Variants in PTPA observed in about 807,000 individuals in gnomAD.
PTPA encodes protein phosphatase 2 phosphatase activator.
PTPA carries 13 observed loss-of-function variants against 43.6 expected under a neutral mutation model. The ratio of observed to expected loss-of-function variants is 0.30; its 90% confidence interval spans 0.19 to 0.47. The LOEUF is 0.47. Ranked by LOEUF, PTPA falls within the 20% of genes least tolerant of loss-of-function variation. PTPA has a pLI of 0.99. For missense variants in PTPA, 329 were observed against 411.9 expected, an observed-to-expected ratio of 0.80 and a Z score of 1.74; for synonymous variants, 172 against 158.2, an observed-to-expected ratio of 1.09 and a Z score of -0.66.
In PTPA at chr9:129,133,635, AC is replaced by A. The variant is rs1850138851; in HGVS notation, c.461-1159del. On this transcript the variant is annotated intron_variant, in intron 5 of 9. Transcript: ENST00000393370. Reference sequence around the variant, plus strand: ...GTGCAGACCATTCCTGTTTGATATGACTGGGAAAGGAAGGAGGATACTTTTT... The same window carrying A: ...GTGCAGACCATTCCTGTTTGATATGATGGGAAAGGAAGGAGGATACTTTTT... Among the ~76,000 whole-genome samples, 3 of 152,304 alleles carry A rather than the reference AC, an allele frequency of 2.0e-5. No individual in the cohort carries two copies. The South Asian group carries it at 6.2e-4, about 32-fold the overall frequency.
chr9:129,143,246 TCTG>T, intron 9 of PTPA: 3 of 695,724 alleles, frequency 4.3e-6, no homozygotes, highest in Non-Finnish European at 7.9e-6. Context: ...CTCTGTCCCT[TCTG>T]CTAGCTCCTC....
At chr9:129,136,728 G>T (rs1564196984) in intron 7 of PTPA, 133 bp downstream of exon 7, 2 of 1,185,986 alleles carry the variant, frequency 1.7e-6, no homozygotes, top group Non-Finnish European at 2.3e-6. Context: ...GGAAAGCAGG[G>T]CATTAGACCA....
chr9:129,133,972 TTA>T (rs1850169898), intron 5 of PTPA, among the ~76,000 whole-genome samples: 1 of 152,250 alleles, frequency 6.6e-6, no homozygotes, highest in Admixed American at 6.5e-5. Context: ...AGATTAGATG[TTA>T]CTTCCTTAGG....
At position 129,111,549 on chromosome 9, in the gene PTPA, GA is replaced by G; in HGVS notation, c.-49del. The G allele has an allele frequency of 2.3e-6, 3 of 1,289,650 alleles. No individual in the cohort carries two copies. The highest frequency in any genetic ancestry group is 2.7e-5 in the South Asian group (1 of 37,050). 79.9% of individuals were successfully genotyped at this position (1,289,650 alleles called of 1,614,324 possible). A position where few individuals can be genotyped will look rare whatever the true frequency, so the allele number is the denominator to read the frequency against. ...GGAGAGGAAGGGTGGGTGCAAGAGT[GA>G]AAGGCGAGAGGGGACTGCAAGCATC... On this transcript the variant is annotated 5_prime_UTR_variant, in exon 1 of 10. Coordinates refer to ENST00000393370, the MANE Select transcript of PTPA (RefSeq NM_178000.3).
intron 1 of PTPA, among the ~76,000 whole-genome samples, chr9:129,116,676 T>C (rs1275870701): frequency 6.6e-6 from 1 of 152,090 alleles, no homozygotes; most frequent in Non-Finnish European, 1.5e-5. Context: ...TGAGCCACTG[T>C]GCCCGGCCAC....
chr9:129,128,106 T>TGA (rs1849702065), intron 3 of PTPA: 1 of 1,271,140 alleles, frequency 7.9e-7, no homozygotes, highest in African/African-American at 1.5e-5. Flanking sequence ...ACGAAGAAAC[T>TGA]GAGAGGCTCA....
chr9:129,146,345 C>G (rs1851300987), intron 9 of PTPA, among the ~76,000 whole-genome samples: 1 of 152,172 alleles, frequency 6.6e-6, no homozygotes, highest in Non-Finnish European at 1.5e-5. Flanking sequence ...GCCTCTTTGG[C>G]CCACTCGTCA....
At chr9:129,138,581 T>C (rs1850540328) in intron 8 of PTPA, among the ~76,000 whole-genome samples, 1 of 152,112 alleles carries the variant, frequency 6.6e-6, no homozygotes, top group African/African-American at 2.4e-5. Flanking sequence ...GTTTGAGAGT[T>C]CTATCCCTCC....
intron 8 of PTPA, among the ~76,000 whole-genome samples, chr9:129,140,770 G>A (rs946919263): frequency 5.8e-5 from 8 of 138,298 alleles, no homozygotes; most frequent in Admixed American, 2.4e-4. Flanking sequence ...CAGGGCTGGA[G>A]CCTGCAGACT....
At position 129,129,000 on chromosome 9, in the gene PTPA, G is replaced by T; in HGVS notation, c.232G>T (p.Val78Phe). The T allele has an allele frequency of 6.2e-7, 1 of 1,613,252 alleles. No individual in the cohort carries two copies. The change falls in exon 4 of 10, where the codon GTC becomes TTC. Residue 78 changes from valine (V) to phenylalanine (F), a missense_variant. Coordinates refer to ENST00000393370, the MANE Select transcript of PTPA (RefSeq NM_178000.3). ...GCCTCCACAGGCCATTGAGAAACTA[G>T]TCGCTCTTCTCAACACGCTGGACAG... ...YRVSEAIEKL[V>F]ALLNTLDRWI...
At chr9:129,136,280 T>G (rs1229952473) in intron 6 of PTPA, among the ~76,000 whole-genome samples, 191 bp from the exon 7 acceptor site, 2 of 152,198 alleles carry the variant, frequency 1.3e-5, no homozygotes, top group African/African-American at 4.8e-5. Context: ...TAATCAGTGA[T>G]TTTTATGCCT....
Position 129,144,289 on chromosome 9 carries a change from C to A in PTPA, c.894+1737C>A, listed in dbSNP as rs561030735. 2.8e-4 allele frequency among the ~76,000 whole-genome samples: 42 copies of A among 151,984 alleles called. No individual in the cohort carries two copies. The South Asian group carries it at 7.3e-3, about 26-fold the overall frequency. On this transcript the variant is annotated intron_variant, in intron 9 of 9. Transcript: ENST00000393370. ...TCCGTGGGGGCTGAGCACAGGGTGG[C>A]AAACACAAAGAGGACACTGAAAATG...
chr9:129,115,701 G>T (rs189330825), intron 1 of PTPA, among the ~76,000 whole-genome samples: 175 of 151,508 alleles, frequency 1.2e-3, no homozygotes, highest in Non-Finnish European at 1.9e-3. Context: ...GTACAGTGGC[G>T]TGATCTTGGC....
chr9:129,125,279 GT>G (rs967327993), intron 3 of PTPA, among the ~76,000 whole-genome samples: 1 of 150,188 alleles, frequency 6.7e-6, no homozygotes, highest in African/African-American at 2.4e-5. Flanking sequence ...TTTTTTTTGA[GT>G]TTTTCTTGTT....
At chr9:129,126,647 G>A (rs1019211689) in intron 3 of PTPA, among the ~76,000 whole-genome samples, 14 of 152,232 alleles carry the variant, frequency 9.2e-5, no homozygotes, top group African/African-American at 3.1e-4. Flanking sequence ...AAAATGTTAG[G>A]GAAGATTTTA....
chr9:129,143,102 G>C, intron 9 of PTPA: 2 of 653,474 alleles, frequency 3.1e-6, no homozygotes, highest in Non-Finnish European at 5.2e-6. Flanking sequence ...CTGAGGAGAG[G>C]AGAGCTGAGG....
intron 2 of PTPA, 50 bp from the exon 3 acceptor site, chr9:129,123,002 G>T: frequency 7.1e-7 from 1 of 1,417,168 alleles, no homozygotes. Flanking sequence ...GGTGGGGCGG[G>T]GGGGTCTGCC....
chr9:129,143,554 G>A (rs537904148), intron 9 of PTPA: 44 of 660,406 alleles, frequency 6.7e-5, no homozygotes, highest in African/African-American at 5.4e-4. Context: ...CCAGCGGGGT[G>A]GGGGAGCACA....
chr9:129,136,442 AC>A (rs1564196617), intron 6 of PTPA, 28 bp from the exon 7 acceptor site: 1 of 1,587,798 alleles, frequency 6.3e-7, no homozygotes, highest in Non-Finnish European at 8.6e-7. Flanking sequence ...ACTTTTTGCT[AC>A]CTTCCCTTTC....
Sources: allele counts gnomAD v4.1 joint callset (sites outside exome capture counted in the v4.1 genomes callset), GRCh38; gene constraint gnomAD v4.1.1; transcripts MANE v1.5; gene names NCBI Gene and HGNC (gene_info 2026-07-23, HGNC 2026-07-21).